Variants in COMMD10 observed in about 807,000 individuals in gnomAD.
COMMD10 encodes the protein COMM domain containing 10, also known as COMM domain-containing protein 10.
In COMMD10, 33 loss-of-function variants were observed where a neutral mutation model predicts 28.9. That is an observed-to-expected ratio of 1.14 (90% CI 0.87 to 1.53). The LOEUF (loss-of-function observed/expected upper bound fraction) is 1.53. Among genes scored for constraint, COMMD10 ranks in the 40% most tolerant of loss-of-function variants. The pLI, the probability that COMMD10 is intolerant of heterozygous loss-of-function variation, is 0.00. For synonymous variants in COMMD10, 110 were observed against 81.7 expected (o/e 1.35, Z -1.87); for missense variants, 310 against 233.4 (o/e 1.33, Z -2.14).
chr5:116,267,152 A>C (rs1244505383), intron 5 of COMMD10, among the ~76,000 whole-genome samples: 1 of 151,894 alleles, frequency 6.6e-6, no homozygotes, highest in Admixed American at 6.6e-5. Context: ...AGAGGAAGTC[A>C]AATGGTCCCT....
intron 5 of COMMD10, among the ~76,000 whole-genome samples, chr5:116,276,314 A>C (rs1304569225): frequency 6.6e-6 from 1 of 151,648 alleles, no homozygotes; most frequent in East Asian, 1.9e-4. Context: ...GTGCAATGGC[A>C]CTATCTCAAC....
chr5:116,102,490 A>G (rs886272803), intron 4 of COMMD10, among the ~76,000 whole-genome samples: 1 of 152,038 alleles, frequency 6.6e-6, no homozygotes, highest in African/African-American at 2.4e-5. Flanking sequence ...CAGAGAGTGT[A>G]AGGCCTCCAG....
intron 5 of COMMD10, among the ~76,000 whole-genome samples, chr5:116,176,301 G>T (rs912449759): frequency 4.6e-5 from 7 of 152,136 alleles, no homozygotes; most frequent in East Asian, 1.9e-4. Context: ...TTTTAGTAGA[G>T]ACAGCGTTTG....
intron 4 of COMMD10, among the ~76,000 whole-genome samples, chr5:116,118,510 TA>T (rs745452226): frequency 6.0e-4 from 30 of 50,120 alleles, no homozygotes; most frequent in African/African-American, 1.8e-3. Context: ...TGAAGAGGGA[TA>T]TTTTTTTTAT....
intron 5 of COMMD10, among the ~76,000 whole-genome samples, chr5:116,236,721 G>A (rs1749675275): frequency 2.0e-5 from 3 of 151,884 alleles, no homozygotes; most frequent in Admixed American, 2.0e-4. Context: ...TGATTTTTAG[G>A]GCTCCAGTAA....
intron 4 of COMMD10, among the ~76,000 whole-genome samples, chr5:116,111,447 A>ACAGGTTTTTGTATTGCTGTGTCCTG (rs1321152361): frequency 1.3e-5 from 2 of 152,150 alleles, no homozygotes; most frequent in Non-Finnish European, 2.9e-5. Context: ...GCTGTGTCCT[A>ACAGGTTTTTGTATTGCTGTGTCCTG]CAGGTTTTTG....
At chr5:116,119,877 C>G (rs1171242584) in intron 4 of COMMD10, among the ~76,000 whole-genome samples, 1 of 152,134 alleles carries the variant, frequency 6.6e-6, no homozygotes, top group African/African-American at 2.4e-5. Flanking sequence ...GCCTCAGCCT[C>G]CCAAAGTGCT....
At chr5:116,138,638 C>T (rs1752105457) in intron 5 of COMMD10, among the ~76,000 whole-genome samples, 1 of 151,224 alleles carries the variant, frequency 6.6e-6, no homozygotes, top group Non-Finnish European at 1.5e-5. Context: ...TTTTCTTTTA[C>T]AGTAACTGTG....
intron 5 of COMMD10, among the ~76,000 whole-genome samples, chr5:116,244,618 A>G (rs921467741): frequency 1.3e-5 from 2 of 149,984 alleles, no homozygotes; most frequent in African/African-American, 4.9e-5. Context: ...TTAAGATGCT[A>G]CTATACCATT....
intron 5 of COMMD10, among the ~76,000 whole-genome samples, chr5:116,137,858 T>G (rs1752075471): frequency 6.6e-6 from 1 of 151,984 alleles, no homozygotes; most frequent in African/African-American, 2.4e-5. Flanking sequence ...TTGATATGTA[T>G]TCTAGTTGTT....
At chr5:116,106,491 C>CAAT (rs1750843700) in intron 4 of COMMD10, among the ~76,000 whole-genome samples, 1 of 152,148 alleles carries the variant, frequency 6.6e-6, no homozygotes, top group Non-Finnish European at 1.5e-5. Context: ...CTGTAGATGT[C>CAAT]TATTAAGTCC....
intron 4 of COMMD10, among the ~76,000 whole-genome samples, chr5:116,123,674 T>C (rs1265361280): frequency 1.3e-5 from 2 of 152,078 alleles, no homozygotes; most frequent in Non-Finnish European, 1.5e-5. Context: ...CTCTGGTAGA[T>C]TTCAGCTATG....
chr5:116,086,360 G>C (rs1348798166), intron 1 of COMMD10, among the ~76,000 whole-genome samples: 1 of 152,174 alleles, frequency 6.6e-6, no homozygotes, highest in Non-Finnish European at 1.5e-5. Context: ...GTATAGAATT[G>C]TTCTCATCAC....
intron 4 of COMMD10, among the ~76,000 whole-genome samples, chr5:116,114,615 A>T (rs1459261243): frequency 6.6e-6 from 1 of 152,164 alleles, no homozygotes; most frequent in Non-Finnish European, 1.5e-5. Flanking sequence ...GTAAATCTGG[A>T]TTGGGAAAGC....
chr5:116,241,869 G>A (rs935282391), intron 5 of COMMD10, among the ~76,000 whole-genome samples: 9 of 151,028 alleles, frequency 6.0e-5, no homozygotes, highest in South Asian at 4.2e-4. Flanking sequence ...CACCCACCTC[G>A]GCCTCCCAAA....
intron 5 of COMMD10, among the ~76,000 whole-genome samples, chr5:116,140,916 C>T (rs1215017888): frequency 6.6e-6 from 1 of 151,706 alleles, no homozygotes; most frequent in Non-Finnish European, 1.5e-5. Flanking sequence ...CTTTTCTGTA[C>T]AGGAGCTTTT....
At chr5:116,274,885 T>G (rs887958922) in intron 5 of COMMD10, among the ~76,000 whole-genome samples, 3 of 151,788 alleles carry the variant, frequency 2.0e-5, no homozygotes, top group Admixed American at 6.6e-5. Flanking sequence ...TCTGTTTTTC[T>G]CCCTCCTGAG....
chr5:116,089,484 T>C (rs1027801154), intron 2 of COMMD10, among the ~76,000 whole-genome samples: 11 of 152,222 alleles, frequency 7.2e-5, no homozygotes, highest in South Asian at 2.1e-4. Context: ...TATAAAAATA[T>C]GGGACAAGAA....
At chr5:116,272,575 C>T (rs1006235757) in intron 5 of COMMD10, among the ~76,000 whole-genome samples, 3 of 151,852 alleles carry the variant, frequency 2.0e-5, no homozygotes, top group African/African-American at 7.3e-5. Flanking sequence ...GGACCACTTT[C>T]ATCTCTTGGT....
Sources: gnomAD v4.1 joint callset for allele counts (sites outside exome capture counted in the v4.1 genomes callset) on GRCh38, gnomAD v4.1.1 for gene constraint, MANE v1.5 for transcripts, NCBI Gene and HGNC (gene_info 2026-07-23, HGNC 2026-07-21) for gene names.